Variants in BBS9 observed in about 807,000 individuals in gnomAD.
BBS9 encodes the protein protein PTHB1.
BBS9 carries 89 observed loss-of-function variants against 117.7 expected under a neutral mutation model. The ratio of observed to expected loss-of-function variants is 0.76; its 90% CI spans 0.64 to 0.90. The LOEUF (loss-of-function observed/expected upper bound fraction) is 0.90, where lower values mean the gene tolerates loss of function less well. BBS9 is among the 40% of genes least tolerant of loss of function. The pLI, the probability that BBS9 is intolerant of heterozygous loss-of-function variation, is 0.00. For missense variants in BBS9, 982 were observed against 1,042.2 expected, an observed-to-expected ratio of 0.94 and a Z score of 0.80; for synonymous variants, 379 against 370.9, an observed-to-expected ratio of 1.02 and a Z score of -0.25.
At chr7:33,463,778 T>A (rs1839805752) in intron 19 of BBS9, among the ~76,000 whole-genome samples, 1 of 152,120 alleles carries the variant, frequency 6.6e-6, no homozygotes, top group South Asian at 2.1e-4. Flanking sequence ...AATGTAAAGT[T>A]CCTACATTCA....
intron 21 of BBS9, among the ~76,000 whole-genome samples, chr7:33,582,236 T>C (rs932816236): frequency 2.0e-5 from 3 of 152,136 alleles, no homozygotes; most frequent in Admixed American, 2.0e-4. Context: ...TTAGGCCAAC[T>C]AGGAGGCAGA....
chr7:33,171,151 TCCCAA>T (rs1183007559), intron 4 of BBS9, among the ~76,000 whole-genome samples: 6 of 152,056 alleles, frequency 3.9e-5, no homozygotes, highest in Admixed American at 3.3e-4. Context: ...GCCAAGTCAA[TCCCAA>T]GCCAGAAGAA....
At chr7:33,578,198 G>A (rs550473612) in intron 21 of BBS9, among the ~76,000 whole-genome samples, 5 of 152,150 alleles carry the variant, frequency 3.3e-5, no homozygotes, top group Non-Finnish European at 7.4e-5. Flanking sequence ...CATAGATCTT[G>A]AAATAAGGAG....
chr7:33,264,439 A>G (rs1798471550), intron 7 of BBS9, 65 bp downstream of exon 7: 3 of 937,268 alleles, frequency 3.2e-6, no homozygotes, highest in Non-Finnish European at 1.6e-6. Flanking sequence ...ATGTTTGTCA[A>G]TAATAATTCA....
intron 21 of BBS9, among the ~76,000 whole-genome samples, chr7:33,630,823 C>G (rs1002073276): frequency 1.1e-4 from 16 of 152,182 alleles, no homozygotes; most frequent in African/African-American, 3.6e-4. Context: ...TTTATGCATT[C>G]TTTCAGCCAT....
At chr7:33,263,156 G>A (rs1484886414) in intron 6 of BBS9, among the ~76,000 whole-genome samples, 1 of 152,036 alleles carries the variant, frequency 6.6e-6, no homozygotes, top group African/African-American at 2.4e-5. Flanking sequence ...CACCTTCTAT[G>A]TCTTGGAAAA....
intron 9 of BBS9, among the ~76,000 whole-genome samples, chr7:33,280,108 A>G (rs1801523671): frequency 6.6e-6 from 1 of 152,220 alleles, no homozygotes; most frequent in Non-Finnish European, 1.5e-5. Context: ...GGTCCACAAT[A>G]GTCACTTATT....
At chr7:33,196,673 T>A (rs1418487702) in intron 5 of BBS9, among the ~76,000 whole-genome samples, 1 of 152,262 alleles carries the variant, frequency 6.6e-6, no homozygotes, top group South Asian at 2.1e-4. Flanking sequence ...GGCATTAAAG[T>A]GTAGGTGTTT....
intron 19 of BBS9, among the ~76,000 whole-genome samples, chr7:33,448,611 G>A (rs542503209): frequency 2.0e-5 from 3 of 152,206 alleles, no homozygotes; most frequent in Non-Finnish European, 4.4e-5. Flanking sequence ...TAAGCATTCA[G>A]TACCATTGAA....
intron 16 of BBS9, among the ~76,000 whole-genome samples, chr7:33,364,376 C>T (rs1040383897): frequency 4.6e-5 from 7 of 152,084 alleles, no homozygotes; most frequent in African/African-American, 1.4e-4. Context: ...CTCCATCCCC[C>T]CACATTTTAT....
Position 33,383,699 on chromosome 7 carries a change from A to G in BBS9, c.1823A>G (p.Asp608Gly), listed in dbSNP as rs1825496203. 1.2e-6 allele frequency: 2 copies of G among 1,610,158 alleles called. No individual in the cohort carries two copies. Among genetic ancestry groups the G allele is most frequent in the South Asian group, 2.2e-5 (2 of 90,474 alleles). The change falls in exon 18 of 23, where the codon GAT (aspartate) becomes GGT (glycine). Residue 608 changes from aspartate to glycine, a missense_variant. Coordinates refer to ENST00000242067, the MANE Select transcript of BBS9 (RefSeq NM_198428.3). ...CGCATTCAGAGTGAACAATTTGAAGATCTTTGGCTCATAACCAATGAGCTT... is the reference window on the plus strand; with the variant it reads ...CGCATTCAGAGTGAACAATTTGAAGGTCTTTGGCTCATAACCAATGAGCTT... ...RYRIQSEQFE[D>G]LWLITNELIL...
chr7:33,372,880 T>G (rs1024206060), intron 17 of BBS9, among the ~76,000 whole-genome samples: 6 of 152,292 alleles, frequency 3.9e-5, no homozygotes, highest in African/African-American at 1.2e-4. Flanking sequence ...AGTTCAATCT[T>G]GGTAGGTTTA....
chr7:33,422,438 G>C (rs954852295), intron 19 of BBS9, among the ~76,000 whole-genome samples: 1 of 152,304 alleles, frequency 6.6e-6, no homozygotes. Flanking sequence ...CATTTTTAGA[G>C]AGAAAGTGAT....
intron 19 of BBS9, among the ~76,000 whole-genome samples, chr7:33,410,093 A>G (rs985185714): frequency 1.3e-5 from 2 of 152,142 alleles, no homozygotes; most frequent in African/African-American, 4.8e-5. Context: ...GTGAGCCTGG[A>G]CAACTGGGGC....
chr7:33,303,525 C>CCCG (rs1554406593), intron 9 of BBS9, among the ~76,000 whole-genome samples: 1 of 103,200 alleles, frequency 9.7e-6, no homozygotes, highest in African/African-American at 3.9e-5. Context: ...GATCCCCTCC[C>CCCG]CCCGCCCCTT....
rs376692708 is a variant in BBS9, at chr7:33,604,881, C to T, written c.2538C>T (p.Ile846=). ...TMVMPGGCTT[I]PESDLEERSV... ...TTCAACTAGGTGGTTGTACTACAAT[C>T]CCAGAGTCAGACCTAGAAGAAAGAT... Residue 846 remains isoleucine (I), a synonymous_variant, in exon 22 of 23, where the codon ATC becomes ATT. Transcript: ENST00000242067. 1.1e-5 allele frequency: 17 copies of T among 1,612,094 alleles called. No homozygotes were observed. In the East Asian group the frequency reaches 2.0e-4, roughly 19 times the overall value.
intron 2 of BBS9, 107 bp downstream of exon 2, chr7:33,146,471 G>C (rs1473902464): frequency 2.4e-6 from 2 of 822,702 alleles, no homozygotes; most frequent in East Asian, 5.3e-5. Context: ...GGAGGCCGAC[G>C]TGGGCAGATC....
intron 9 of BBS9, among the ~76,000 whole-genome samples, chr7:33,302,971 T>C (rs1806824437): frequency 6.6e-6 from 1 of 152,172 alleles, no homozygotes; most frequent in Non-Finnish European, 1.5e-5. Context: ...TAGTTTTCAT[T>C]GTAGAGATCT....
intron 5 of BBS9, among the ~76,000 whole-genome samples, chr7:33,218,359 T>C (rs1363533317): frequency 1.3e-5 from 2 of 152,270 alleles, no homozygotes; most frequent in Admixed American, 1.3e-4. Context: ...GTCCATAGTC[T>C]TAGCCTTGGA....
Sources: allele counts gnomAD v4.1 joint callset (sites outside exome capture counted in the v4.1 genomes callset), GRCh38; gene constraint gnomAD v4.1.1; transcripts MANE v1.5; gene names NCBI Gene and HGNC (gene_info 2026-07-23, HGNC 2026-07-21).